The following MUC4 variants were observed in gnomAD, a reference collection of about 807,000 sequenced individuals.
The protein encoded by MUC4 is mucin-4.
Under a neutral mutation model 257.9 loss-of-function variants are expected in MUC4, and 202 were observed. The observed-to-expected ratio is 0.78, with a 90% CI of 0.70 to 0.88. The LOEUF (loss-of-function observed/expected upper bound fraction) is 0.88. MUC4 is among the 40% of genes least tolerant of loss of function. The probability of loss-of-function intolerance (pLI) is 0.00; values close to 1 mark genes in which losing one functional copy is unlikely to be tolerated. For missense variants in MUC4, 5,976 were observed against 6,513.7 expected, an observed-to-expected ratio of 0.92 and a Z score of 2.84; for synonymous variants, 2,351 against 2,757.1, an observed-to-expected ratio of 0.85 and a Z score of 4.62.
chr3:195,764,594 G>T (rs994497699), intron 10 of MUC4, among the ~76,000 whole-genome samples: 8 of 152,004 alleles, frequency 5.3e-5, no homozygotes, highest in African/African-American at 1.9e-4. Flanking sequence ...TGGGACGGGG[G>T]AGAGAACGGG....
In MUC4 at chr3:195,786,914, T is replaced by A; in HGVS notation, c.4666A>T (p.Thr1556Ser). 2.0e-6 allele frequency: 3 copies of A among 1,501,302 alleles called. No homozygotes were observed. The highest frequency in any genetic ancestry group is 2.7e-6 in the Non-Finnish European group (3 of 1,115,626). The allele number at this position is 1,501,302 out of a possible 1,614,324, so 93.0% of individuals were successfully genotyped here. Residue 1556 changes from threonine to serine, a missense_variant, in exon 2 of 25, where the codon ACC (threonine) becomes TCC (serine). Thr to Ser is a moderately conservative substitution (Grantham distance 58). Transcript: ENST00000463781. ...CCTGTGGATACTGAGGAAGCGTCGG[T>A]GACAGGAAGAGGGGTGGTGTCACCT... ...STGDTTPLPV[T>S]DASSVSTGHT...
In MUC4 at chr3:195,748,957, C is replaced by T; in HGVS notation, c.15979G>A (p.Gly5327Ser). The change falls in exon 24 of 25, where the codon GGC becomes AGC. Residue 5327 changes from glycine (G) to serine (S), a missense_variant. Physicochemically the swap from Gly to Ser is moderately conservative, Grantham distance 56 (BLOSUM62 0). Transcript: ENST00000463781. ...CACTGGCCTCCATGGTCACAGTAGC[C>T]CCTACTGCACGGGGACACGCAGGTG... is the stretch of plus-strand genomic sequence containing the variant. ...GFTCVSPCSR[G>S]YCDHGGQCQH... 15 of 1,607,060 alleles carry T rather than the reference C, an allele frequency of 9.3e-6. No homozygotes were observed. Among genetic ancestry groups the T allele is most frequent in the Non-Finnish European group, 1.2e-5 (14 of 1,176,822 alleles).
chr3:195,766,419 ATC>A (rs1720502286), intron 8 of MUC4, among the ~76,000 whole-genome samples: 1 of 151,818 alleles, frequency 6.6e-6, no homozygotes, highest in Non-Finnish European at 1.5e-5. Flanking sequence ...GGGCTGGTTC[ATC>A]TGAGGGAGGA....
At chr3:195,776,263 A>G (rs1156877074) in intron 3 of MUC4, among the ~76,000 whole-genome samples, 7 of 65,346 alleles carry the variant, frequency 1.1e-4, no homozygotes, top group African/African-American at 4.1e-4. Context: ...TACCTTCCAC[A>G]CCCATACCTT....
intron 1 of MUC4, among the ~76,000 whole-genome samples, chr3:195,797,525 G>C (rs957620444): frequency 6.6e-6 from 1 of 152,040 alleles, no homozygotes; most frequent in Non-Finnish European, 1.5e-5. Flanking sequence ...TTATAACCCC[G>C]TGTAAACATT....
intron 1 of MUC4, among the ~76,000 whole-genome samples, chr3:195,801,836 G>A (rs1469149202): frequency 1.3e-5 from 2 of 151,786 alleles, no homozygotes; most frequent in Non-Finnish European, 2.9e-5. Context: ...GCTCTCCCTG[G>A]CCGGCGGCCC....
Position 195,778,321 on chromosome 3 carries a change from G to T in MUC4, c.12925C>A (p.Pro4309Thr). 1 of 1,611,538 alleles carries T rather than the reference G, an allele frequency of 6.2e-7. No individual in the cohort carries two copies. Among genetic ancestry groups the T allele is most frequent in the South Asian group, 1.1e-5 (1 of 90,928 alleles). The change falls in exon 3 of 25, where the codon CCC becomes ACC. Residue 4309 changes from proline (P) to threonine (T), a missense_variant. This residue lies in a region of MUC4 where 233 missense variants were observed against 171.2 expected (regional missense o/e 1.36). Coordinates refer to ENST00000463781, the MANE Select transcript of MUC4 (RefSeq NM_018406.7). ...GCCTCACCTCTCTCAGGCAGGATGG[G>T]GATGGGGGCAGCTGTGGAGCGGGTG... is the stretch of plus-strand genomic sequence containing the variant. Reference protein sequence around the residue: ...MHTRSTAAPIPILPERGVSLF... With the variant: ...MHTRSTAAPITILPERGVSLF...
intron 1 of MUC4, among the ~76,000 whole-genome samples, chr3:195,797,718 T>C (rs990627243): frequency 2.6e-5 from 4 of 152,236 alleles, no homozygotes; most frequent in Non-Finnish European, 4.4e-5. Context: ...AACAAGCCTA[T>C]GGTTATTTGC....
At chr3:195,767,561 T>TCAC (rs1721105993) in intron 7 of MUC4, among the ~76,000 whole-genome samples, 1 of 18,760 alleles carries the variant, frequency 5.3e-5, no homozygotes, top group African/African-American at 3.8e-4. Flanking sequence ...ACCATTACCA[T>TCAC]TGCCACCACC....
chr3:195,811,928 G>GCGTTTCTC lies in MUC4; in HGVS notation c.-112_-111insGAGAAACG, dbSNP rs1736801552. 2.8e-6 allele frequency: 3 copies of GCGTTTCTC among 1,066,356 alleles called. No homozygotes were observed. Among genetic ancestry groups the GCGTTTCTC allele is most frequent in the Non-Finnish European group, 4.1e-6 (3 of 730,506 alleles). The allele number at this position is 1,066,356 out of a possible 1,614,324, so 66.1% of individuals were successfully genotyped here. The stretch of plus-strand genomic sequence containing the variant: ...CTCAGGCGGCTGGCCCGAACCAAGT[G>GCGTTTCTC]CGTTTCTCCGAAGGGGCCAGGGAAC... On this transcript the variant is annotated 5_prime_UTR_variant, in exon 1 of 25. Transcript: ENST00000463781.
Position 195,789,174 on chromosome 3 carries a change from T to C in MUC4, c.2406A>G (p.Thr802=), listed in dbSNP as rs1411200498. 1 of 1,613,852 alleles carries C rather than the reference T, an allele frequency of 6.2e-7. No individual in the cohort carries two copies. Among genetic ancestry groups the C allele is most frequent in the South Asian group, 1.1e-5 (1 of 91,072 alleles). ...SSGSRTTSAG[T]ATPSSSGASG... The stretch of plus-strand genomic sequence containing the variant: ...TCGCCCCGGATGAGGAAGGGGTAGC[T>C]GTGCCCGCTGAGGTGGTTCGTGACC... The change falls in exon 2 of 25, where the codon ACA becomes ACG. Residue 802 remains threonine, a synonymous_variant. Transcript: ENST00000463781.
chr3:195,791,554 AC>A (rs1733870585), intron 1 of MUC4, 57 bp from the exon 2 acceptor site: 1 of 1,071,048 alleles, frequency 9.3e-7, no homozygotes, highest in African/African-American at 1.6e-5. Flanking sequence ...ACTCCTATTC[AC>A]AATTGCTACA....
At chr3:195,801,010 C>T (rs375649162) in intron 1 of MUC4, among the ~76,000 whole-genome samples, 12 of 152,302 alleles carry the variant, frequency 7.9e-5, no homozygotes, top group African/African-American at 2.9e-4. Context: ...GAAACACTTC[C>T]CTTAAAATAA....
In MUC4 at chr3:195,747,186, G is replaced by A. The variant is rs1487766792; in HGVS notation, c.16229C>T (p.Ala5410Val). 2 of 1,614,284 alleles carry A rather than the reference G, an allele frequency of 1.2e-6. No homozygotes were observed. The highest frequency in any genetic ancestry group is 1.7e-6 in the Non-Finnish European group (2 of 1,180,060). ...GCCACAGCTGCCCCTTCAAGGCAAG[G>A]CCTCAGCTGAGTTCAGGAAATAGGA... ...RFSYFLNSAE[A>V]LP Residue 5410 changes from alanine (A) to valine (V), a missense_variant, in exon 25 of 25, where the codon GCC (alanine) becomes GTC (valine). Physicochemically the swap from Ala to Val is moderately conservative, Grantham distance 64. Around this residue, in one of 44 missense-constraint regions of MUC4, gnomAD observed 310 missense variants for 242.1 expected, o/e 1.28. Transcript: ENST00000463781.
chr3:195,795,299 C>T (rs1225655489), intron 1 of MUC4, among the ~76,000 whole-genome samples: 1 of 152,110 alleles, frequency 6.6e-6, no homozygotes, highest in Non-Finnish European at 1.5e-5. Flanking sequence ...GCCTGCATCA[C>T]CTCTGCTAAA....
intron 7 of MUC4, among the ~76,000 whole-genome samples, chr3:195,767,877 T>TCACCACCAC (rs1158274748): frequency 1.3e-4 from 10 of 74,792 alleles, no homozygotes; most frequent in African/African-American, 5.9e-4. Flanking sequence ...ACCACCACCA[T>TCACCACCAC]CACCACCATC....
At position 195,783,726 on chromosome 3, in the gene MUC4, G is replaced by A. The variant is rs1578307159; in HGVS notation, c.7854C>T (p.Ser2618=). Residue 2618 remains serine, a synonymous_variant, in exon 2 of 25, where the codon TCC becomes TCT. Transcript: ENST00000463781. ...CAGGAAGAGGCGTGGTGTCACCTGT[G>A]GATACTGAGGAAAGGCTGGTGACAG... is the stretch of plus-strand genomic sequence containing the variant. ...PLPVTSLSSV[S]TGDTTPLPVT... 1 of 573,596 alleles carries A rather than the reference G, an allele frequency of 1.7e-6. No homozygotes were observed. The highest frequency in any genetic ancestry group is 3.1e-5 in the East Asian group (1 of 32,000). 35.5% of individuals were successfully genotyped at this position (573,596 alleles called of 1,614,324 possible).
At position 195,790,062 on chromosome 3, in the gene MUC4, G is replaced by C. The variant is rs1483513605; in HGVS notation, c.1518C>G (p.Pro506=). The change falls in exon 2 of 25, where the codon CCC becomes CCG. Residue 506 remains proline (P), a synonymous_variant. Coordinates refer to ENST00000463781, the MANE Select transcript of MUC4 (RefSeq NM_018406.7). ...TAGTGGCAGCACCTGTTGATGTTGA[G>C]GGCAGTTCTGTTTGTGACCAAGTTG... is the stretch of plus-strand genomic sequence containing the variant. ...GHTTWSQTEL[P]STSTGAATRL... 1 of 1,613,920 alleles carries C rather than the reference G, an allele frequency of 6.2e-7. No homozygotes were observed. Among genetic ancestry groups the C allele is most frequent in the Non-Finnish European group, 8.5e-7 (1 of 1,179,898 alleles).
At chr3:195,771,403 G>A (rs562617149) in intron 5 of MUC4, among the ~76,000 whole-genome samples, 71 of 151,138 alleles carry the variant, frequency 4.7e-4, no homozygotes, top group African/African-American at 1.6e-3. Context: ...TCTCGCGGCC[G>A]GGTTGGGGTA....
Sources: allele counts gnomAD v4.1 joint callset (sites outside exome capture counted in the v4.1 genomes callset), GRCh38; gene constraint gnomAD v4.1.1; regional missense constraint gnomAD v4.1.1; transcripts MANE v1.5; gene names NCBI Gene and HGNC (gene_info 2026-07-23, HGNC 2026-07-21).